NLRP5: variants seen among roughly 807,000 people sequenced by gnomAD.
NLRP5 encodes NLR family pyrin domain containing 5, also known as NACHT, LRR and PYD domains-containing protein 5.
Under a neutral mutation model 113.1 loss-of-function variants are expected in NLRP5, and 93 were observed. That is an observed-to-expected ratio of 0.82 (90% CI 0.70 to 0.98). The LOEUF (loss-of-function observed/expected upper bound fraction) is 0.98, where lower values mean the gene tolerates loss of function less well. Ranked by LOEUF, NLRP5 falls within the 50% of genes least tolerant of loss-of-function variation. The probability of loss-of-function intolerance (pLI) is 0.00; values close to 1 mark genes in which losing one functional copy is unlikely to be tolerated. For synonymous variants in NLRP5, 751 were observed against 600.7 expected (o/e 1.25, Z -3.66); for missense variants, 1,808 against 1,514.3 (o/e 1.19, Z -3.22).
At chr19:56,051,929 C>T (rs1983944882) in intron 12 of NLRP5, among the ~76,000 whole-genome samples, 1 of 152,164 alleles carries the variant, frequency 6.6e-6, no homozygotes, top group Admixed American at 6.5e-5. Flanking sequence ...GATTCTAGTT[C>T]ACAAACTTCT....
At chr19:56,043,523 GTC>G (rs993952857) in intron 11 of NLRP5, among the ~76,000 whole-genome samples, 24 of 116,700 alleles carry the variant, frequency 2.1e-4, no homozygotes, top group Non-Finnish European at 5.2e-5. Flanking sequence ...TCTATGGATT[GTC>G]TGTTTACTCT....
At position 56,028,160 on chromosome 19, in the gene NLRP5, G is replaced by T; in HGVS notation, c.1927G>T (p.Glu643Ter). 1 of 1,613,986 alleles carries T rather than the reference G, an allele frequency of 6.2e-7. No homozygotes were observed. Among genetic ancestry groups the T allele is most frequent in the Non-Finnish European group, 8.5e-7 (1 of 1,179,890 alleles). The stretch of plus-strand genomic sequence containing the variant: ...GCGTTTCTTGTTTGGCCTCGTGAGC[G>T]AAGACGTAAGGAGGCCACTGGAGGT... The change falls in exon 7 of 15, where the codon GAA becomes TAA. Residue 643 changes from glutamate to a stop codon, truncating the protein, a stop_gained. Coordinates refer to ENST00000390649, the MANE Select transcript of NLRP5 (RefSeq NM_153447.4). LOFTEE classifies it high-confidence loss of function.
chr19:56,005,254 TTTATATATACAC>T (rs926922516), intron 2 of NLRP5, among the ~76,000 whole-genome samples: 223 of 124,426 alleles, frequency 1.8e-3, no homozygotes, highest in African/African-American at 6.5e-3. Flanking sequence ...CACATATATA[TTTATATATACAC>T]ATACACATAT....
chr19:56,055,701 A>T (rs888564807), intron 13 of NLRP5, among the ~76,000 whole-genome samples: 3 of 151,062 alleles, frequency 2.0e-5, no homozygotes, highest in South Asian at 2.1e-4. Context: ...GCCCGCCACC[A>T]CGCCCGGCTA....
intron 14 of NLRP5, among the ~76,000 whole-genome samples, chr19:56,060,320 G>A (rs979413294): frequency 6.6e-6 from 1 of 152,124 alleles, no homozygotes; most frequent in Admixed American, 6.6e-5. Flanking sequence ...TAGACTATAA[G>A]CTTGGTAAGG....
upstream of NLRP5, among the ~76,000 whole-genome samples, chr19:55,997,670 AAAAATACC>A (rs139490927): frequency 0.03 from 4,563 of 152,140 alleles, 216 homozygotes; most frequent in African/African-American, 0.11. Context: ...CATCTCTACC[AAAAATACC>A]AAAATACCAA....
intron 10 of NLRP5, among the ~76,000 whole-genome samples, chr19:56,040,160 T>G (rs1983466559): frequency 6.6e-6 from 1 of 152,096 alleles, no homozygotes. Context: ...TTGCCCAGGC[T>G]GGTCTCGAAC....
chr19:56,005,587 A>ACG lies in NLRP5; in HGVS notation c.442+1493_442+1494insGC, dbSNP rs1568481933. ...CATATATATTTATACACACACGCAC[A>ACG]CACGCAGGTGGCATGCCTGTACACA... On this transcript the variant is annotated intron_variant, in intron 2 of 14. Coordinates refer to ENST00000390649, the MANE Select transcript of NLRP5 (RefSeq NM_153447.4). Among the ~76,000 whole-genome samples, 2 of 146,010 alleles carry ACG rather than the reference A, an allele frequency of 1.4e-5. 1 individual carries two copies. Among genetic ancestry groups the ACG allele is most frequent in the Non-Finnish European group, 3.0e-5 (2 of 66,938 alleles).
intron 10 of NLRP5, among the ~76,000 whole-genome samples, chr19:56,038,773 G>T (rs568104168): frequency 1.3e-5 from 2 of 152,152 alleles, no homozygotes; most frequent in Admixed American, 6.6e-5. Flanking sequence ...GAGTGGAAAC[G>T]CAGGGGGCAG....
chr19:56,008,122 G>T (rs1342659260), intron 2 of NLRP5, among the ~76,000 whole-genome samples: 2 of 149,734 alleles, frequency 1.3e-5, no homozygotes, highest in African/African-American at 4.9e-5. Flanking sequence ...TAGAGACGGG[G>T]TTTCACCATG....
At chr19:56,040,411 T>C (rs1325578504) in intron 10 of NLRP5, among the ~76,000 whole-genome samples, 3 of 151,906 alleles carry the variant, frequency 2.0e-5, no homozygotes, top group Non-Finnish European at 4.4e-5. Context: ...CTACCATAAA[T>C]ACAAAAATTA....
chr19:56,033,573 CA>C lies in NLRP5; in HGVS notation c.2480del (p.Gln827ArgfsTer13). On this transcript the variant is annotated frameshift_variant, in exon 9 of 15. Transcript: ENST00000390649. LOFTEE classifies it high-confidence loss of function. ...AAATGCACAGATTACCCCTGGTGTG[CA>C]GCACCTCTGGAGAATCGTCATGGCC... is the stretch of plus-strand genomic sequence containing the variant. The C allele has an allele frequency of 6.2e-7, 1 of 1,613,640 alleles. No individual in the cohort carries two copies. The highest frequency in any genetic ancestry group is 1.3e-5 in the African/African-American group (1 of 75,026).
At chr19:56,016,608 ACT>A (rs1255934325) in intron 4 of NLRP5, among the ~76,000 whole-genome samples, 5 of 151,666 alleles carry the variant, frequency 3.3e-5, no homozygotes, top group Non-Finnish European at 5.9e-5. Context: ...TTCCCGGTCC[ACT>A]CTCTGCCCCA....
chr19:56,001,406 C>T (rs965556557), intron 1 of NLRP5, among the ~76,000 whole-genome samples: 7 of 151,734 alleles, frequency 4.6e-5, no homozygotes, highest in East Asian at 1.9e-4. Context: ...TTGTCTCCCA[C>T]CTCTACCCTC....
rs1378571421 is a variant in NLRP5 at position 56,040,999 on chromosome 19, A to G, written c.2864A>G (p.His955Arg). Residue 955 changes from histidine (H) to arginine (R), a missense_variant, in exon 11 of 15, where the codon CAC becomes CGC. His to Arg is a conservative substitution (Grantham distance 29). Coordinates refer to ENST00000390649, the MANE Select transcript of NLRP5 (RefSeq NM_153447.4). Reference sequence around the variant, plus strand: ...CTCGTCAGCAACCGGAGCTTGACACACCTGTGCCTATCCAACAACAGCCTG... The same window carrying G: ...CTCGTCAGCAACCGGAGCTTGACACGCCTGTGCCTATCCAACAACAGCCTG... The G allele has an allele frequency of 4.3e-6, 7 of 1,613,936 alleles. No individual in the cohort carries two copies. Among genetic ancestry groups the G allele is most frequent in the African/African-American group, 2.7e-5 (2 of 75,040 alleles).
chr19:56,026,917 T>C lies in NLRP5; in HGVS notation c.684T>C (p.His228=), dbSNP rs377056628. 53 of 1,550,300 alleles carry C rather than the reference T, an allele frequency of 3.4e-5. No individual in the cohort carries two copies. Among genetic ancestry groups the C allele is most frequent in the Non-Finnish European group, 4.4e-5 (50 of 1,146,038 alleles). The change falls in exon 7 of 15, where the codon CAT becomes CAC. Residue 228 remains histidine (H), a synonymous_variant. Coordinates refer to ENST00000390649, the MANE Select transcript of NLRP5 (RefSeq NM_153447.4). Reference sequence around the variant, plus strand: ...TTCTACCCTCTCTGACTCCAGGACATGGAGGTGACACATGGGACTACAAGA... The same window carrying C: ...TTCTACCCTCTCTGACTCCAGGACACGGAGGTGACACATGGGACTACAAGA...
At chr19:55,998,710 G>GTATATATATA (rs1555762445), upstream of NLRP5, among the ~76,000 whole-genome samples, 1 of 67,836 alleles carries the variant, frequency 1.5e-5, no homozygotes, top group East Asian at 4.2e-4. Flanking sequence ...ATATGTGTGT[G>GTATATATATA]TGTGTATATA....
chr19:56,021,433 CA>C (rs376431550), intron 6 of NLRP5, among the ~76,000 whole-genome samples: 3 of 152,132 alleles, frequency 2.0e-5, no homozygotes, highest in Admixed American at 6.6e-5. Flanking sequence ...AATTCCAAGA[CA>C]TTTTTTTTCT....
At chr19:56,014,572 T>C (rs1982334107) in intron 3 of NLRP5, among the ~76,000 whole-genome samples, 1 of 152,098 alleles carries the variant, frequency 6.6e-6, no homozygotes. Context: ...CTTAAAAACA[T>C]TTAGGTCTTT....
Sources: allele counts gnomAD v4.1 joint callset (sites outside exome capture counted in the v4.1 genomes callset), GRCh38; gene constraint gnomAD v4.1.1; transcripts MANE v1.5; gene names NCBI Gene and HGNC (gene_info 2026-07-23, HGNC 2026-07-21).